Variants in KLHL31 observed in about 807,000 individuals in gnomAD.
KLHL31 encodes the protein kelch-like protein 31.
In KLHL31, 32 loss-of-function variants were observed where a neutral mutation model predicts 47.1. The observed-to-expected ratio is 0.68, with a 90% confidence interval of 0.51 to 0.91. The LOEUF is 0.91. KLHL31 is among the 40% of genes least tolerant of loss of function. The pLI is 0.00. For missense variants in KLHL31, 797 were observed against 819.3 expected (o/e 0.97, Z 0.33); for synonymous variants, 330 against 325.1 (o/e 1.01, Z -0.16).
At chr6:53,665,045 ATT>A (rs764011866) in intron 1 of KLHL31, among the ~76,000 whole-genome samples, 51 of 129,136 alleles carry the variant, frequency 3.9e-4, no homozygotes, top group African/African-American at 1.1e-3. Context: ...CAAATAACAA[ATT>A]TTTTTTTTTT....
In KLHL31 at chr6:53,651,476, A is replaced by T; in HGVS notation, c.*122T>A. 9.6e-7 allele frequency: 1 copy of T among 1,043,308 alleles called. No individual in the cohort carries two copies. Among genetic ancestry groups the T allele is most frequent in the Non-Finnish European group, 1.3e-6 (1 of 742,314 alleles). 64.6% of individuals were successfully genotyped at this position (1,043,308 alleles called of 1,614,324 possible). On this transcript the variant is annotated 3_prime_UTR_variant, in exon 3 of 3. Coordinates refer to ENST00000370905, the MANE Select transcript of KLHL31 (RefSeq NM_001003760.5). The stretch of plus-strand genomic sequence containing the variant: ...GCCATCAGGACATGTGCCTCGACAT[A>T]TTTTACAATACAATCAGTGTAGTAA...
intron 1 of KLHL31, among the ~76,000 whole-genome samples, chr6:53,659,812 A>G (rs1213783753): frequency 6.6e-6 from 1 of 152,190 alleles, no homozygotes; most frequent in Non-Finnish European, 1.5e-5. Context: ...AGAGAGTGCA[A>G]CTTGAGGCTA....
chr6:53,655,902 C>T (rs1047900881), intron 1 of KLHL31, among the ~76,000 whole-genome samples: 1 of 152,070 alleles, frequency 6.6e-6, no homozygotes, highest in Non-Finnish European at 1.5e-5. Flanking sequence ...CCACTATACC[C>T]AACCAACATT....
At chr6:53,653,952 G>A (rs1764513225) in intron 2 of KLHL31, 149 bp downstream of exon 2, 2 of 629,078 alleles carry the variant, frequency 3.2e-6, no homozygotes, top group Non-Finnish European at 5.4e-6. Context: ...ATAATATAAA[G>A]TGCTGAACAT....
chr6:53,655,269 C>A lies in KLHL31; in HGVS notation c.4G>T (p.Ala2Ser). The A allele has an allele frequency of 6.4e-7, 1 of 1,554,154 alleles. No homozygotes were observed. Reference sequence around the variant, plus strand: ...TTTTTGACAATCTTCTTTTTGGGTGCCATGTTGGCAAATACACTGTTACAG... The same window carrying A: ...TTTTTGACAATCTTCTTTTTGGGTGACATGTTGGCAAATACACTGTTACAG... M[A>S]PKKKIVKKNK... The change falls in exon 2 of 3, where the codon GCA becomes TCA. Residue 2 changes from alanine to serine, a missense_variant. Ala to Ser is a moderately conservative substitution (Grantham distance 99, BLOSUM62 1). Coordinates refer to ENST00000370905, the MANE Select transcript of KLHL31 (RefSeq NM_001003760.5).
intron 1 of KLHL31, among the ~76,000 whole-genome samples, chr6:53,665,134 A>G (rs1027309612): frequency 1.3e-5 from 2 of 151,808 alleles, no homozygotes; most frequent in African/African-American, 4.8e-5. Flanking sequence ...TGTGCTACAG[A>G]TTTAGTTAAA....
Position 53,650,721 on chromosome 6 carries a change from G to C in KLHL31, c.*877C>G, listed in dbSNP as rs1025467481. ...TAGGGCCAAGGTTGCCTTTAACCAG[G>C]TTGGTGTAGTTTTTAGGGTGAGGGT... On this transcript the variant is annotated 3_prime_UTR_variant, in exon 3 of 3. Coordinates refer to ENST00000370905, the MANE Select transcript of KLHL31 (RefSeq NM_001003760.5). 3.3e-5 allele frequency: 5 copies of C among 152,194 alleles called. No individual in the cohort carries two copies. Among genetic ancestry groups the C allele is most frequent in the African/African-American group, 9.6e-5 (4 of 41,458 alleles). The allele number at this position is 152,194 out of a possible 1,614,324, so 9.4% of individuals were successfully genotyped here.
rs766483858 is a variant in KLHL31, at chr6:53,651,597, C to T, written c.*1G>A. On this transcript the variant is annotated 3_prime_UTR_variant, in exon 3 of 3. Transcript: ENST00000370905. Reference sequence around the variant, plus strand: ...TCCTGCGTCCCTGCATCTACCTGGGCTCAGATACTGACTGGCACAGAAGAT... The same window carrying T: ...TCCTGCGTCCCTGCATCTACCTGGGTTCAGATACTGACTGGCACAGAAGAT... The T allele has an allele frequency of 5.3e-5, 86 of 1,608,732 alleles. No homozygotes were observed. Among genetic ancestry groups the T allele is most frequent in the Admixed American group, 2.7e-4 (16 of 59,900 alleles).
chr6:53,657,733 G>A (rs1764584889), intron 1 of KLHL31, among the ~76,000 whole-genome samples: 1 of 151,454 alleles, frequency 6.6e-6, no homozygotes, highest in Non-Finnish European at 1.5e-5. Flanking sequence ...AATTTGATGG[G>A]TGGTGTATGT....
At chr6:53,661,277 G>C (rs889437470) in intron 1 of KLHL31, among the ~76,000 whole-genome samples, 1 of 152,148 alleles carries the variant, frequency 6.6e-6, no homozygotes, top group Non-Finnish European at 1.5e-5. Context: ...CCTCTTTATG[G>C]GGGATCAGAA....
In KLHL31 at chr6:53,651,930, G is replaced by T; in HGVS notation, c.1573C>A (p.Pro525Thr). 1 of 1,588,538 alleles carries T rather than the reference G, an allele frequency of 6.3e-7. No individual in the cohort carries two copies. The change falls in exon 3 of 3, where the codon CCG becomes ACG. Residue 525 changes from proline to threonine, a missense_variant. Transcript: ENST00000370905. ...VYVMGGSQLG[P>T]RGERVDVLTV... ...AGCACGTCCACGCGCTCCCCGCGCGGCCCCAGCTGGCTGCCGCCCATCACG... is the reference window on the plus strand; with the variant it reads ...AGCACGTCCACGCGCTCCCCGCGCGTCCCCAGCTGGCTGCCGCCCATCACG...
chr6:53,663,536 A>G (rs1220629708), intron 1 of KLHL31, among the ~76,000 whole-genome samples: 1 of 152,228 alleles, frequency 6.6e-6, no homozygotes, highest in African/African-American at 2.4e-5. Flanking sequence ...TAGATTGAAT[A>G]TGAAATTATC....
chr6:53,661,821 A>G (rs1400623326), intron 1 of KLHL31, among the ~76,000 whole-genome samples: 1 of 152,230 alleles, frequency 6.6e-6, no homozygotes, highest in African/African-American at 2.4e-5. Context: ...TGTGAGGAAG[A>G]GGTGTTACGA....
chr6:53,658,207 G>T (rs561296278), intron 1 of KLHL31, among the ~76,000 whole-genome samples: 1 of 152,188 alleles, frequency 6.6e-6, no homozygotes, highest in African/African-American at 2.4e-5. Context: ...TCAATAAGGA[G>T]CTAGGTTAGC....
intron 1 of KLHL31, among the ~76,000 whole-genome samples, chr6:53,661,019 G>A (rs1335249253): frequency 6.6e-6 from 1 of 152,296 alleles, no homozygotes; most frequent in Middle Eastern, 3.4e-3. Context: ...TAAGGACACT[G>A]CTGCAGATCC....
intron 1 of KLHL31, among the ~76,000 whole-genome samples, chr6:53,662,547 C>T (rs545277709): frequency 6.6e-6 from 1 of 152,262 alleles, no homozygotes; most frequent in African/African-American, 2.4e-5. Context: ...TGGAGGAAGC[C>T]CAGAGCATTC....
At position 53,651,524 on chromosome 6, in the gene KLHL31, C is replaced by G. The variant is rs1192471208; in HGVS notation, c.*74G>C. The G allele has an allele frequency of 1.8e-5, 27 of 1,506,046 alleles. No homozygotes were observed. The highest frequency in any genetic ancestry group is 2.3e-5 in the Non-Finnish European group (26 of 1,123,152). 93.3% of individuals were successfully genotyped at this position (1,506,046 alleles called of 1,614,324 possible). A position where few individuals can be genotyped will look rare whatever the true frequency, so the allele number is the denominator to read the frequency against. On this transcript the variant is annotated 3_prime_UTR_variant, in exon 3 of 3. Coordinates refer to ENST00000370905, the MANE Select transcript of KLHL31 (RefSeq NM_001003760.5). ...TAAATGTTAAATATTTTCCTTTTCGCGAACTCAGAGGTTAACCACGTGGCT... is the reference window on the plus strand; with the variant it reads ...TAAATGTTAAATATTTTCCTTTTCGGGAACTCAGAGGTTAACCACGTGGCT...
chr6:53,661,738 C>T (rs1764648907), intron 1 of KLHL31, among the ~76,000 whole-genome samples: 2 of 152,070 alleles, frequency 1.3e-5, no homozygotes, highest in Non-Finnish European at 1.5e-5. Context: ...TTTTATTCTA[C>T]GATGATACAA....
Position 53,655,080 on chromosome 6 carries a change from T to G in KLHL31, c.193A>C (p.Lys65Gln). Residue 65 changes from lysine to glutamine, a missense_variant, in exon 2 of 3, where the codon AAA becomes CAA. Physicochemically the swap from Lys to Gln is moderately conservative, Grantham distance 53. Coordinates refer to ENST00000370905, the MANE Select transcript of KLHL31 (RefSeq NM_001003760.5). ...YGPNLLEGLS[K>Q]MRQENFLCDL... ...CATAGGAAGTTCTCCTGCCGCATTT[T>G]ACTTAAACCTTCCAAGAGGTTGGGG... 1 of 1,614,084 alleles carries G rather than the reference T, an allele frequency of 6.2e-7. No individual in the cohort carries two copies. The highest frequency in any genetic ancestry group is 2.2e-5 in the East Asian group (1 of 44,876).
Sources: gnomAD v4.1 joint callset for allele counts (sites outside exome capture counted in the v4.1 genomes callset) on GRCh38, gnomAD v4.1.1 for gene constraint, MANE v1.5 for transcripts, NCBI Gene and HGNC (gene_info 2026-07-23, HGNC 2026-07-21) for gene names.